Variants in ZNF148 observed in about 807,000 individuals in gnomAD.
ZNF148 encodes the protein zinc finger protein 148, also known as Beta-Enolase Repressor Factor-1.
ZNF148 carries 7 observed loss-of-function variants against 67.7 expected under a neutral mutation model. The ratio of observed to expected loss-of-function variants is 0.10; its 90% CI spans 0.06 to 0.19. The LOEUF (loss-of-function observed/expected upper bound fraction) is 0.19, where lower values mean the gene tolerates loss of function less well. ZNF148 is among the 10% of genes least tolerant of loss of function. The probability of loss-of-function intolerance (pLI) is 1.00; values close to 1 mark genes in which losing one functional copy is unlikely to be tolerated. For synonymous variants in ZNF148, 333 were observed against 330.7 expected, an observed-to-expected ratio of 1.01 and a Z score of -0.08; for missense variants, 583 against 947.1, an observed-to-expected ratio of 0.62 and a Z score of 5.05.
At position 125,336,282 on chromosome 3, in the gene ZNF148, T is replaced by C. The variant is rs76603436; in HGVS notation, c.-233-5044A>G. ...TGAAACTAAAAATGCTTACAGTCCT[T>C]TAGCATCTTTTAACTAGAGCACATT... On this transcript the variant is annotated intron_variant, in intron 1 of 8. Transcript: ENST00000360647. 5.4e-3 allele frequency among the ~76,000 whole-genome samples: 818 copies of C among 152,330 alleles called. 6 individuals carry two copies. The highest frequency in any genetic ancestry group is 0.019 in the African/African-American group (772 of 41,572).
At chr3:125,256,894 C>T (rs1271326845) in intron 7 of ZNF148, among the ~76,000 whole-genome samples, 1 of 148,732 alleles carries the variant, frequency 6.7e-6, no homozygotes, top group Admixed American at 6.7e-5. Flanking sequence ...CTTTTGTTGT[C>T]TCTAATCTTC....
chr3:125,314,610 T>G (rs1240075583), intron 3 of ZNF148, among the ~76,000 whole-genome samples: 1 of 152,202 alleles, frequency 6.6e-6, no homozygotes, highest in African/African-American at 2.4e-5. Flanking sequence ...CAAAAAAACC[T>G]TATAAACAGC....
chr3:125,296,091 C>G (rs776799807), intron 4 of ZNF148, among the ~76,000 whole-genome samples: 2 of 150,868 alleles, frequency 1.3e-5, no homozygotes, highest in East Asian at 1.9e-4. Flanking sequence ...CCCTGCCTTT[C>G]AATATATCAT....
intron 1 of ZNF148, among the ~76,000 whole-genome samples, chr3:125,370,440 T>G (rs1942842895): frequency 1.3e-5 from 2 of 152,220 alleles, no homozygotes; most frequent in Non-Finnish European, 2.9e-5. Flanking sequence ...ATTAAGCACT[T>G]AAGAATCAAC....
At chr3:125,295,854 C>T (rs1939254706) in intron 4 of ZNF148, among the ~76,000 whole-genome samples, 1 of 152,118 alleles carries the variant, frequency 6.6e-6, no homozygotes, top group Non-Finnish European at 1.5e-5. Context: ...ATCCATCTTA[C>T]ATCAGAAAAT....
chr3:125,235,069 T>C (rs1205037492), intron 7 of ZNF148, among the ~76,000 whole-genome samples: 1 of 152,148 alleles, frequency 6.6e-6, no homozygotes, highest in Non-Finnish European at 1.5e-5. Flanking sequence ...CTAAAATAGT[T>C]TTTACTGATA....
intron 1 of ZNF148, among the ~76,000 whole-genome samples, chr3:125,356,160 G>A (rs1377186348): frequency 6.6e-6 from 1 of 152,196 alleles, no homozygotes; most frequent in Non-Finnish European, 1.5e-5. Context: ...TGTTTTTAAA[G>A]AAAGGCCAAA....
At chr3:125,324,043 A>G (rs1940910927) in intron 2 of ZNF148, among the ~76,000 whole-genome samples, 1 of 152,138 alleles carries the variant, frequency 6.6e-6, no homozygotes, top group Non-Finnish European at 1.5e-5. Flanking sequence ...GGAAATTCAG[A>G]TAATTACAAA....
chr3:125,256,049 T>C (rs1271994984), intron 7 of ZNF148, among the ~76,000 whole-genome samples: 2 of 152,050 alleles, frequency 1.3e-5, no homozygotes, highest in African/African-American at 4.8e-5. Flanking sequence ...ATTATAAATA[T>C]GCCCAGCTTT....
intron 4 of ZNF148, among the ~76,000 whole-genome samples, chr3:125,307,801 T>C (rs1057345949): frequency 8.5e-5 from 12 of 140,448 alleles, no homozygotes; most frequent in African/African-American, 1.1e-4. Flanking sequence ...CACACCACCA[T>C]GCCCAGATAA....
intron 1 of ZNF148, among the ~76,000 whole-genome samples, chr3:125,367,777 G>A (rs1942745816): frequency 6.6e-6 from 1 of 152,146 alleles, no homozygotes; most frequent in African/African-American, 2.4e-5. Flanking sequence ...GTTGACTCAT[G>A]CTCTTCTCTC....
chr3:125,255,073 T>C (rs570640670), intron 7 of ZNF148, among the ~76,000 whole-genome samples: 5 of 152,222 alleles, frequency 3.3e-5, no homozygotes, highest in African/African-American at 1.2e-4. Context: ...TACTAGGATC[T>C]TGGAGCATTA....
In ZNF148 at chr3:125,313,529, C is replaced by G. The variant is rs1284098761; in HGVS notation, c.112G>C (p.Val38Leu). 1 of 1,614,074 alleles carries G rather than the reference C, an allele frequency of 6.2e-7. No homozygotes were observed. Among genetic ancestry groups the G allele is most frequent in the Non-Finnish European group, 8.5e-7 (1 of 1,180,030 alleles). ...ACTGAATCCTGTAGCTCTCCAGACA[C>G]AGTAGACTGGCCAGACACTCCACCC... ...VMGGVSGQSTVSGELQDSVLQ... is the reference protein window; with the variant it reads ...VMGGVSGQSTLSGELQDSVLQ... Residue 38 changes from valine to leucine, a missense_variant, in exon 4 of 9, where the codon GTG becomes CTG. Physicochemically the swap from Val to Leu is conservative, Grantham distance 32. This residue lies in a region of ZNF148 where 150 missense variants were observed against 202.5 expected (regional missense o/e 0.74). Transcript: ENST00000360647.
intron 1 of ZNF148, among the ~76,000 whole-genome samples, chr3:125,365,747 G>A (rs988661424): frequency 6.6e-6 from 1 of 152,186 alleles, no homozygotes; most frequent in Non-Finnish European, 1.5e-5. Flanking sequence ...GAATCCACGA[G>A]GTAGAGGCTG....
intron 7 of ZNF148, among the ~76,000 whole-genome samples, chr3:125,260,807 C>T (rs1054602248): frequency 5.3e-5 from 8 of 152,098 alleles, no homozygotes; most frequent in South Asian, 2.1e-4. Flanking sequence ...TCATGGAAAA[C>T]GAAGATTTAA....
chr3:125,242,325 T>G lies in ZNF148; in HGVS notation c.668-7996A>C, dbSNP rs149321028. Among the ~76,000 whole-genome samples the G allele has an allele frequency of 3.6e-3, 551 of 152,326 alleles. 6 individuals are homozygous for G. The highest frequency in any genetic ancestry group is 0.012 in the African/African-American group (519 of 41,570). ...AACTGTTAAGTTTCATTTTTTACAT[T>G]AAATCTCTCATATGGCCGGGTGCAG... On this transcript the variant is annotated intron_variant, in intron 7 of 8. Transcript: ENST00000360647.
intron 4 of ZNF148, among the ~76,000 whole-genome samples, chr3:125,310,710 T>C (rs1940159285): frequency 6.6e-6 from 1 of 152,166 alleles, no homozygotes; most frequent in African/African-American, 2.4e-5. Flanking sequence ...AGCAAGCCTC[T>C]ACCACTGGGC....
At chr3:125,374,710 T>C (rs1362082880) in intron 1 of ZNF148, among the ~76,000 whole-genome samples, 7 of 152,042 alleles carry the variant, frequency 4.6e-5, no homozygotes, top group Admixed American at 3.3e-4. Context: ...CATAAAGCAC[T>C]GCACCAGGCA....
chr3:125,257,141 A>G (rs1937123509), intron 7 of ZNF148, among the ~76,000 whole-genome samples: 1 of 151,924 alleles, frequency 6.6e-6, no homozygotes, highest in Non-Finnish European at 1.5e-5. Flanking sequence ...TTTATTATCT[A>G]TTTTTCTCTT....
Sources: gnomAD v4.1 joint callset for allele counts (sites outside exome capture counted in the v4.1 genomes callset) on GRCh38, gnomAD v4.1.1 for gene constraint, gnomAD v4.1.1 regional missense constraint, MANE v1.5 for transcripts, NCBI Gene and HGNC (gene_info 2026-07-23, HGNC 2026-07-21) for gene names.